FAM168B: variants seen among roughly 807,000 people sequenced by gnomAD.
The protein encoded by FAM168B is myelin-associated neurite-outgrowth inhibitor.
In FAM168B, 19 loss-of-function variants were observed where a neutral mutation model predicts 21.8. That is an observed-to-expected ratio of 0.87 (90% CI 0.61 to 1.28). The LOEUF (loss-of-function observed/expected upper bound fraction) is 1.28. FAM168B is among the 50% of genes most tolerant of loss of function. FAM168B has a pLI of 0.00. For synonymous variants in FAM168B, 126 were observed against 104.8 expected (o/e 1.20, Z -1.24); for missense variants, 233 against 263.1 (o/e 0.89, Z 0.79).
At chr2:131,092,356 C>T (rs1559012451) in intron 1 of FAM168B, among the ~76,000 whole-genome samples, 2 of 151,576 alleles carry the variant, frequency 1.3e-5, no homozygotes, top group Non-Finnish European at 2.9e-5. Flanking sequence ...GCAAAAATAA[C>T]CCACTCCTTC....
chr2:131,057,136 A>G (rs1692068154), intron 3 of FAM168B, among the ~76,000 whole-genome samples: 1 of 152,192 alleles, frequency 6.6e-6, no homozygotes, highest in Non-Finnish European at 1.5e-5. Flanking sequence ...AGACAGTGCA[A>G]CTTTGCAAGC....
In FAM168B at chr2:131,076,707, A is replaced by T. The variant is rs138840442; in HGVS notation, c.71-4769T>A. Among the ~76,000 whole-genome samples, 5 of 152,174 alleles carry T rather than the reference A, an allele frequency of 3.3e-5. No individual in the cohort carries two copies. In the East Asian group the frequency reaches 9.7e-4, roughly 29 times the overall value. On this transcript the variant is annotated intron_variant, in intron 2 of 6. Coordinates refer to ENST00000389915, the MANE Select transcript of FAM168B (RefSeq NM_001009993.4). ...CTTACAAAAGTAAAAGCTTCAGAAC[A>T]GCAAAAAATACCATAGTTAAGCAAA...
chr2:131,065,774 G>A (rs1315669371), intron 3 of FAM168B, among the ~76,000 whole-genome samples: 1 of 144,408 alleles, frequency 6.9e-6, no homozygotes, highest in East Asian at 2.0e-4. Flanking sequence ...GGGCAACAGA[G>A]CGAGACTCCA....
chr2:131,061,537 T>G (rs914211476), intron 3 of FAM168B, among the ~76,000 whole-genome samples: 4 of 151,962 alleles, frequency 2.6e-5, no homozygotes, highest in African/African-American at 7.2e-5. Context: ...TCCCAGCACT[T>G]TGGGAGGCTG....
rs1452552119 is a variant in FAM168B, at chr2:131,080,692, CAG to C, written c.70+1883_70+1884del. ...TAGTAAAAGAATTTTTTTTTTGAGA[CAG>C]AGTCTTGCTCTGTCGCCCAGGCTGG... On this transcript the variant is annotated intron_variant, in intron 2 of 6. Coordinates refer to ENST00000389915, the MANE Select transcript of FAM168B (RefSeq NM_001009993.4). Among the ~76,000 whole-genome samples the C allele has an allele frequency of 8.8e-5, 13 of 148,554 alleles. No individual in the cohort carries two copies. In the East Asian group the frequency reaches 1.8e-3, roughly 21 times the overall value.
At chr2:131,057,461 C>T (rs1405676841) in intron 3 of FAM168B, among the ~76,000 whole-genome samples, 2 of 152,160 alleles carry the variant, frequency 1.3e-5, no homozygotes, top group Admixed American at 6.5e-5. Flanking sequence ...AATTTACCTA[C>T]GGTGACGGAA....
At chr2:131,055,758 C>T in intron 3 of FAM168B, 63 bp from the exon 4 acceptor site, 1 of 1,575,290 alleles carries the variant, frequency 6.3e-7, no homozygotes, top group Non-Finnish European at 8.6e-7. Flanking sequence ...GGAGAGGACA[C>T]AGGCAGGGAG....
At chr2:131,081,583 G>A (rs140599194) in intron 2 of FAM168B, among the ~76,000 whole-genome samples, 41 of 152,300 alleles carry the variant, frequency 2.7e-4, no homozygotes, top group Admixed American at 1.8e-3. Flanking sequence ...TCCTTATGGG[G>A]CCACTGGACG....
chr2:131,068,545 T>TAACAACTGCCTGGCACCC (rs1692691581), intron 3 of FAM168B, among the ~76,000 whole-genome samples: 1 of 152,186 alleles, frequency 6.6e-6, no homozygotes, highest in Admixed American at 6.5e-5. Context: ...GTCTGGCACC[T>TAACAACTGCCTGGCACCC]AACAACTGCC....
rs1185286699 is a variant in FAM168B, at chr2:131,052,000, G to A, written c.*465C>T. 6.1e-6 allele frequency: 6 copies of A among 985,530 alleles called. No homozygotes were observed. Among genetic ancestry groups the A allele is most frequent in the Non-Finnish European group, 7.2e-6 (6 of 829,942 alleles). 61.0% of individuals were successfully genotyped at this position (985,530 alleles called of 1,614,324 possible). A position where few individuals can be genotyped will look rare whatever the true frequency, so the allele number is the denominator to read the frequency against. ...ATCTAAGATATTTCAGATGCTCTAT[G>A]AAGAAATTCACTTTAACACTTATAA... On this transcript the variant is annotated 3_prime_UTR_variant, in exon 7 of 7. Transcript: ENST00000389915.
intron 3 of FAM168B, among the ~76,000 whole-genome samples, chr2:131,059,375 C>A (rs1048403331): frequency 1.3e-5 from 2 of 152,150 alleles, no homozygotes; most frequent in African/African-American, 4.8e-5. Flanking sequence ...GGATAGCTCC[C>A]TTCTCCCCAG....
Position 131,048,621 on chromosome 2 carries a change from C to T in FAM168B, c.*3844G>A, listed in dbSNP as rs772625865. 8 of 1,080,104 alleles carry T rather than the reference C, an allele frequency of 7.4e-6. No homozygotes were observed. Among genetic ancestry groups the T allele is most frequent in the Non-Finnish European group, 6.8e-6 (6 of 883,612 alleles). The allele number at this position is 1,080,104 out of a possible 1,614,324, so 66.9% of individuals were successfully genotyped here. ...CTGTGTTACTTGGTCAGTTGAGCCCCTGGAGCCCTCAGGACCTACTGATAA... is the reference window on the plus strand; with the variant it reads ...CTGTGTTACTTGGTCAGTTGAGCCCTTGGAGCCCTCAGGACCTACTGATAA... On this transcript the variant is annotated 3_prime_UTR_variant, in exon 7 of 7. Coordinates refer to ENST00000389915, the MANE Select transcript of FAM168B (RefSeq NM_001009993.4).
intron 1 of FAM168B, among the ~76,000 whole-genome samples, chr2:131,091,438 G>A (rs1201482272): frequency 2.0e-5 from 3 of 152,000 alleles, no homozygotes; most frequent in Non-Finnish European, 2.9e-5. Context: ...CTGAGGTCAG[G>A]AGTTCAAGAC....
intron 3 of FAM168B, among the ~76,000 whole-genome samples, chr2:131,062,092 T>C (rs1022190407): frequency 2.6e-5 from 4 of 152,182 alleles, no homozygotes; most frequent in Non-Finnish European, 4.4e-5. Flanking sequence ...TCCATCAACA[T>C]TGCTAATAAG....
rs1179555125 is a variant in FAM168B, at chr2:131,093,350, C to G, written c.-148G>C. The G allele has an allele frequency of 6.6e-6, 1 of 150,632 alleles. No homozygotes were observed. 9.3% of individuals were successfully genotyped at this position (150,632 alleles called of 1,614,324 possible). On this transcript the variant is annotated 5_prime_UTR_variant, in exon 1 of 7. Coordinates refer to ENST00000389915, the MANE Select transcript of FAM168B (RefSeq NM_001009993.4). The stretch of plus-strand genomic sequence containing the variant: ...GGCTGACCCTCCGAGCCCCGCGTCT[C>G]CGCCGCCTCCCGGACGCCGCGCTCC...
intron 3 of FAM168B, among the ~76,000 whole-genome samples, chr2:131,057,481 G>A (rs1692085185): frequency 1.3e-5 from 2 of 152,192 alleles, no homozygotes; most frequent in Non-Finnish European, 2.9e-5. Flanking sequence ...AATCAGAGGG[G>A]AGAGGGCGAA....
chr2:131,050,367 A>G lies in FAM168B; in HGVS notation c.*2098T>C, dbSNP rs966478152. The G allele has an allele frequency of 2.0e-6, 2 of 985,602 alleles. No individual in the cohort carries two copies. Among genetic ancestry groups the G allele is most frequent in the African/African-American group, 3.5e-5 (2 of 57,248 alleles). 61.1% of individuals were successfully genotyped at this position (985,602 alleles called of 1,614,324 possible). On this transcript the variant is annotated 3_prime_UTR_variant, in exon 7 of 7. Transcript: ENST00000389915. Reference sequence around the variant, plus strand: ...AATTGGGAAAAAAGACTTCTCTGCTACTTGGTCAGCTGAACCCCTGGAACC... The same window carrying G: ...AATTGGGAAAAAAGACTTCTCTGCTGCTTGGTCAGCTGAACCCCTGGAACC...
rs941599250 is a variant in FAM168B, at chr2:131,060,131, T to C, written c.155-4436A>G. On this transcript the variant is annotated intron_variant, in intron 3 of 6. Coordinates refer to ENST00000389915, the MANE Select transcript of FAM168B (RefSeq NM_001009993.4). ...ACCTCCACCTCCCAGGTTTAAGAGA[T>C]TCTTCTGCCTCAGCCTCTCAAGTAG... 2.4e-4 allele frequency among the ~76,000 whole-genome samples: 36 copies of C among 152,190 alleles called. 1 individual carries two copies. Among genetic ancestry groups the C allele is most frequent in the African/African-American group, 8.4e-4 (35 of 41,524 alleles).
At chr2:131,074,047 A>G (rs1462610883) in intron 2 of FAM168B, among the ~76,000 whole-genome samples, 3 of 152,204 alleles carry the variant, frequency 2.0e-5, no homozygotes, top group Non-Finnish European at 4.4e-5. Flanking sequence ...GCCCTTTTCG[A>G]TAAGGCCTCC....
Sources: allele counts gnomAD v4.1 joint callset (sites outside exome capture counted in the v4.1 genomes callset), GRCh38; gene constraint gnomAD v4.1.1; transcripts MANE v1.5; gene names NCBI Gene and HGNC (gene_info 2026-07-23, HGNC 2026-07-21).